CTBP1: variants seen among roughly 807,000 people sequenced by gnomAD.
CTBP1 encodes the protein C-terminal-binding protein 1.
In CTBP1, 11 loss-of-function variants were observed where a neutral mutation model predicts 42.1. The observed-to-expected ratio is 0.26, with a 90% CI of 0.16 to 0.43. CTBP1 has a LOEUF of 0.43. Among genes scored for constraint, CTBP1 ranks in the 20% least tolerant of loss-of-function variants. The pLI is 1.00. For synonymous variants in CTBP1, 324 were observed against 277.1 expected, an observed-to-expected ratio of 1.17 and a Z score of -1.68; for missense variants, 399 against 624.3, an observed-to-expected ratio of 0.64 and a Z score of 3.85.
At position 1,212,442 on chromosome 4, in the gene CTBP1, T is replaced by G. The variant is rs1241060375; in HGVS notation, c.1107-19A>C. 12 of 1,423,748 alleles carry G rather than the reference T, an allele frequency of 8.4e-6. No homozygotes were observed. Among genetic ancestry groups the G allele is most frequent in the Non-Finnish European group, 1.1e-5 (12 of 1,090,586 alleles). The allele number at this position is 1,423,748 out of a possible 1,614,324, so 88.2% of individuals were successfully genotyped here. A position where few individuals can be genotyped will look rare whatever the true frequency, so the allele number is the denominator to read the frequency against. ...AGGGTACCTGCTGGGAGAGGGTCCA[T>G]CCGTGAGGCCCACCTGTAGGCGGCC... On this transcript the variant is annotated intron_variant, in intron 9 of 9. Coordinates refer to ENST00000382952, the MANE Select transcript of CTBP1 (RefSeq NM_001012614.2).
chr4:1,241,608 C>T, intron 1 of CTBP1, 89 bp from the exon 2 acceptor site: 1 of 1,451,528 alleles, frequency 6.9e-7, no homozygotes, highest in Non-Finnish European at 9.1e-7. Context: ...AGAAGTGGAC[C>T]TCACTGCATC....
chr4:1,244,477 C>T (rs1292785676), intron 1 of CTBP1: 2 of 985,212 alleles, frequency 2.0e-6, no homozygotes, highest in African/African-American at 1.7e-5. Flanking sequence ...GACCCAGGCT[C>T]GGCAGCTACC....
In CTBP1 at chr4:1,238,802, G is replaced by A. The variant is rs1731848610; in HGVS notation, c.8-465C>T. 6.6e-6 allele frequency among the ~76,000 whole-genome samples: 1 copy of A among 150,698 alleles called. No individual in the cohort carries two copies. Among genetic ancestry groups the A allele is most frequent in the East Asian group, 2.0e-4 (1 of 5,090 alleles). On this transcript the variant is annotated intron_variant, in intron 2 of 9. Coordinates refer to ENST00000382952, the MANE Select transcript of CTBP1 (RefSeq NM_001012614.2). This position sits in a 1 kb window ranked among gnomAD's most constrained non-coding sequence, Gnocchi z 5.9. ...CCTCCTAGGCCCTCCAAGACCCTCT[G>A]AGACCCCCCGAGACCCTCCCAGACC...
intron 1 of CTBP1, chr4:1,242,682 C>A: frequency 1.0e-6 from 1 of 985,408 alleles, no homozygotes. Context: ...GACGGAGGGC[C>A]CAAGAGCAAC....
At chr4:1,245,375 G>A (rs1039859138) in intron 1 of CTBP1, 5 of 985,264 alleles carry the variant, frequency 5.1e-6, no homozygotes, top group Admixed American at 6.1e-5. Context: ...CCCCCAGAAC[G>A]CCACCTTCCT....
At chr4:1,242,287 C>T in intron 1 of CTBP1, 21 of 985,422 alleles carry the variant, frequency 2.1e-5, no homozygotes, top group Non-Finnish European at 2.5e-5. Context: ...GAGCTGCCCA[C>T]ACCTGGCCCC....
intron 7 of CTBP1, 58 bp from the exon 8 acceptor site, chr4:1,213,663 G>A (rs1012683459): frequency 7.6e-6 from 12 of 1,574,704 alleles, no homozygotes; most frequent in East Asian, 2.3e-5. Context: ...GGTACGGAGG[G>A]GAGGTGGCTG....
At chr4:1,240,059 C>T (rs1229330352) in intron 2 of CTBP1, among the ~76,000 whole-genome samples, 3 of 152,270 alleles carry the variant, frequency 2.0e-5, no homozygotes, top group Admixed American at 2.0e-4. Flanking sequence ...TTGGATTTCA[C>T]TTCTGATGAG....
intron 3 of CTBP1, chr4:1,236,974 C>T (rs1731580223): frequency 1.5e-6 from 1 of 677,444 alleles, no homozygotes. Flanking sequence ...CCTGATGGGG[C>T]TCAGGAGAAA....
chr4:1,225,930 G>A (rs905151943), intron 4 of CTBP1, among the ~76,000 whole-genome samples: 7 of 152,058 alleles, frequency 4.6e-5, no homozygotes, highest in African/African-American at 9.7e-5. Flanking sequence ...GATTCCTCTC[G>A]GGGGTACCCT....
rs138930692 is a variant in CTBP1, at chr4:1,234,038, C to T, written c.162+4145G>A. 2.6e-5 allele frequency among the ~76,000 whole-genome samples: 4 copies of T among 152,310 alleles called. No individual in the cohort carries two copies. In the East Asian group the frequency reaches 5.8e-4, roughly 22 times the overall value. On this transcript the variant is annotated intron_variant, in intron 3 of 9. Transcript: ENST00000382952. ...TACCCCGGGTTCCAGCCAGCAGGGA[C>T]GAGGAGGGGACGGCAGGGAGAGGCC...
At position 1,241,766 on chromosome 4, in the gene CTBP1, C is replaced by T. The variant is rs556371655; in HGVS notation, c.-188-247G>A. 4.2e-6 allele frequency: 5 copies of T among 1,192,268 alleles called. No individual in the cohort carries two copies. In the Admixed American group the frequency reaches 1.5e-4, roughly 35 times the overall value. The allele number at this position is 1,192,268 out of a possible 1,614,324, so 73.9% of individuals were successfully genotyped here. ...AGGCCGCGCCCCTGTGGCCCCGAGG[C>T]CTACTCCTGGGAACAGTCCCCCAGG... On this transcript the variant is annotated intron_variant, in intron 1 of 9. Transcript: ENST00000382952.
chr4:1,218,579 AG>A (rs1191165593), intron 5 of CTBP1: 3 of 152,234 alleles, frequency 2.0e-5, no homozygotes, highest in Non-Finnish European at 4.4e-5. Flanking sequence ...GATATTCAAA[AG>A]AAAAATTACT....
chr4:1,221,790 G>A lies in CTBP1; in HGVS notation c.514+3570C>T, dbSNP rs747052808. On this transcript the variant is annotated intron_variant, in intron 5 of 9. Coordinates refer to ENST00000382952, the MANE Select transcript of CTBP1 (RefSeq NM_001012614.2). ...GTGTGCAGGAGCCTGCTCTGTCAAC[G>A]TGCTGGTGGGTTCATGGGGTGAATG... The A allele has an allele frequency of 3.8e-5, 17 of 444,242 alleles. 1 individual carries two copies. The highest frequency in any genetic ancestry group is 1.9e-4 in the South Asian group (12 of 62,802). 27.5% of individuals were successfully genotyped at this position (444,242 alleles called of 1,614,324 possible).
In CTBP1 at chr4:1,220,284, G is replaced by A. The variant is rs143256409; in HGVS notation, c.515-4079C>T. ...CCAGCCTGGGCGACAGAGCAAGACT[G>A]TCTCCAAAAAAAAAAAAAGAAAAAA... On this transcript the variant is annotated intron_variant, in intron 5 of 9. Transcript: ENST00000382952. 2.7e-4 allele frequency among the ~76,000 whole-genome samples: 39 copies of A among 147,062 alleles called. No homozygotes were observed. The East Asian group carries it at 6.5e-3, about 24-fold the overall frequency.
intron 1 of CTBP1, among the ~76,000 whole-genome samples, chr4:1,247,353 C>G (rs1252342832): frequency 6.6e-6 from 1 of 152,122 alleles, no homozygotes; most frequent in Non-Finnish European, 1.5e-5. Flanking sequence ...AGCAGGTGCT[C>G]AAAGATGGGC....
intron 5 of CTBP1, among the ~76,000 whole-genome samples, chr4:1,223,786 C>T (rs1251012856): frequency 1.3e-5 from 2 of 152,110 alleles, no homozygotes; most frequent in Admixed American, 1.3e-4. Context: ...TCCCTTAAGA[C>T]ATGGCTCTAC....
chr4:1,248,516 G>T, intron 1 of CTBP1: 1 of 253,304 alleles, frequency 3.9e-6, no homozygotes, highest in Non-Finnish European at 6.2e-6. Context: ...GGCCCCGCAG[G>T]CCCAGCCACG....
intron 5 of CTBP1, chr4:1,216,806 G>A (rs191512644): frequency 3.9e-4 from 62 of 160,594 alleles, no homozygotes; most frequent in Admixed American, 2.1e-3. Context: ...CACAGGAGCC[G>A]TGGAGCTTGA....
Sources: allele counts gnomAD v4.1 joint callset (sites outside exome capture counted in the v4.1 genomes callset), GRCh38; gene constraint gnomAD v4.1.1; non-coding constraint Gnocchi (gnomAD v3.1); transcripts MANE v1.5; gene names NCBI Gene and HGNC (gene_info 2026-07-23, HGNC 2026-07-21).